The following CAPN8 variants were observed in gnomAD, a reference collection of about 807,000 sequenced individuals.
CAPN8 encodes the protein calpain-8.
In CAPN8, 87 loss-of-function variants were observed where a neutral mutation model predicts 80.9. The observed-to-expected ratio is 1.07, with a 90% CI of 0.90 to 1.28. The LOEUF is 1.28. CAPN8 is among the 50% of genes most tolerant of loss of function. CAPN8 has a pLI of 0.00. For missense variants in CAPN8, 757 were observed against 702.0 expected (o/e 1.08, Z -0.89); for synonymous variants, 299 against 273.8 (o/e 1.09, Z -0.91).
intron 16 of CAPN8, 167 bp from the exon 17 acceptor site, chr1:223,545,466 A>C: frequency 8.9e-7 from 1 of 1,119,898 alleles, no homozygotes; most frequent in Non-Finnish European, 1.2e-6. Flanking sequence ...AATAAAGATT[A>C]AAAAGTCAAA....
intron 10 of CAPN8, among the ~76,000 whole-genome samples, chr1:223,612,597 C>T (rs999339183): frequency 6.6e-6 from 1 of 152,008 alleles, no homozygotes; most frequent in Non-Finnish European, 1.5e-5. Context: ...TTCTTCAGAC[C>T]TACAGACCTG....
At chr1:223,648,149 TG>T (rs1658239377) in intron 2 of CAPN8, among the ~76,000 whole-genome samples, 1 of 151,712 alleles carries the variant, frequency 6.6e-6, no homozygotes, top group Non-Finnish European at 1.5e-5. Flanking sequence ...GAAAGGAGAG[TG>T]GTGTTAGTGG....
At chr1:223,650,112 C>T (rs1371334964) in intron 2 of CAPN8, among the ~76,000 whole-genome samples, 3 of 152,084 alleles carry the variant, frequency 2.0e-5, no homozygotes, top group Admixed American at 2.0e-4. Flanking sequence ...AGAGGAGGGG[C>T]CCTTGGCAAA....
chr1:223,551,353 G>A (rs893682498), intron 14 of CAPN8, among the ~76,000 whole-genome samples: 4 of 152,184 alleles, frequency 2.6e-5, no homozygotes, highest in Non-Finnish European at 2.9e-5. Flanking sequence ...ATGTTGGCCA[G>A]GATGATCTTG....
chr1:223,627,515 A>G (rs1166582048), intron 4 of CAPN8, among the ~76,000 whole-genome samples: 1 of 152,208 alleles, frequency 6.6e-6, no homozygotes, highest in Non-Finnish European at 1.5e-5. Flanking sequence ...CTTGCTGGGA[A>G]ATAGAACTGG....
intron 2 of CAPN8, among the ~76,000 whole-genome samples, chr1:223,633,093 G>A (rs990020871): frequency 2.6e-5 from 4 of 152,194 alleles, no homozygotes; most frequent in Admixed American, 1.3e-4. Flanking sequence ...AGTTACACTA[G>A]CCCTGGGCTG....
intron 2 of CAPN8, among the ~76,000 whole-genome samples, chr1:223,630,723 A>C (rs564469534): frequency 2.1e-4 from 32 of 152,094 alleles, no homozygotes; most frequent in African/African-American, 7.5e-4. Flanking sequence ...ACAGACAAAC[A>C]CTATCTTCCT....
At chr1:223,627,267 G>A (rs1240247624) in intron 4 of CAPN8, 110 bp from the exon 5 acceptor site, 2 of 1,267,394 alleles carry the variant, frequency 1.6e-6, no homozygotes, top group Non-Finnish European at 2.2e-6. Flanking sequence ...GATAAAGGAA[G>A]GCTCTTTGCC....
intron 11 of CAPN8, among the ~76,000 whole-genome samples, chr1:223,610,841 C>T (rs1007189996): frequency 6.6e-6 from 1 of 152,132 alleles, no homozygotes; most frequent in Non-Finnish European, 1.5e-5. Context: ...GGGTGGTTCT[C>T]AGTGTGGGAT....
chr1:223,664,936 C>T (rs564515995), intron 1 of CAPN8, among the ~76,000 whole-genome samples: 2 of 151,182 alleles, frequency 1.3e-5, no homozygotes, highest in African/African-American at 4.9e-5. Context: ...TGAGACTCTG[C>T]CTCAAAAAAA....
At chr1:223,629,197 A>AGAGTGTGT (rs373877760) in intron 2 of CAPN8, among the ~76,000 whole-genome samples, 1 of 95,240 alleles carries the variant, frequency 1.0e-5, no homozygotes, top group Non-Finnish European at 2.4e-5. Flanking sequence ...TACGTGTAAG[A>AGAGTGTGT]GTGTGTGTGT....
chr1:223,641,326 G>A (rs1444700192), intron 2 of CAPN8, among the ~76,000 whole-genome samples: 3 of 149,792 alleles, frequency 2.0e-5, no homozygotes, highest in East Asian at 2.0e-4. Flanking sequence ...ATAATTTTTT[G>A]TATTATCTTT....
intron 6 of CAPN8, among the ~76,000 whole-genome samples, chr1:223,625,431 C>T (rs1293804341): frequency 1.3e-5 from 2 of 152,066 alleles, no homozygotes; most frequent in Non-Finnish European, 2.9e-5. Flanking sequence ...TCAGAAGAAC[C>T]TTCTTTTATT....
At chr1:223,544,526 T>C (rs1656565159) in intron 18 of CAPN8, among the ~76,000 whole-genome samples, 1 of 152,174 alleles carries the variant, frequency 6.6e-6, no homozygotes, top group Non-Finnish European at 1.5e-5. Context: ...TCCTCTGTAA[T>C]TGCTGTCACC....
At chr1:223,616,633 G>A (rs1013908106) in intron 9 of CAPN8, among the ~76,000 whole-genome samples, 6 of 152,168 alleles carry the variant, frequency 3.9e-5, no homozygotes, top group South Asian at 2.1e-4. Context: ...AGGTCTCTCC[G>A]TGACACTATT....
chr1:223,557,903 G>A (rs974337104), intron 13 of CAPN8, among the ~76,000 whole-genome samples: 1 of 152,218 alleles, frequency 6.6e-6, no homozygotes, highest in Non-Finnish European at 1.5e-5. Context: ...CATGGAAGAC[G>A]ATGGCTAAGA....
At chr1:223,631,189 A>C (rs34762787) in intron 2 of CAPN8, among the ~76,000 whole-genome samples, 111,537 of 151,924 alleles carry the variant, frequency 0.73, 41,417 homozygotes, top group African/African-American at 0.84. Context: ...AAACTTCTTG[A>C]TGAATCTTAC....
intron 1 of CAPN8, among the ~76,000 whole-genome samples, chr1:223,664,213 T>C (rs1658727661): frequency 1.3e-5 from 2 of 152,188 alleles, no homozygotes; most frequent in South Asian, 4.1e-4. Flanking sequence ...CAGGAGCCTC[T>C]GCCTTCCGTC....
intron 9 of CAPN8, chr1:223,617,985 G>A: frequency 2.3e-6 from 1 of 429,464 alleles, no homozygotes; most frequent in Non-Finnish European, 4.2e-6. Flanking sequence ...GAGAGAACTT[G>A]TCAAGACCCA....
Sources: gnomAD v4.1 joint callset for allele counts (sites outside exome capture counted in the v4.1 genomes callset) on GRCh38, gnomAD v4.1.1 for gene constraint, MANE v1.5 for transcripts, NCBI Gene and HGNC (gene_info 2026-07-23, HGNC 2026-07-21) for gene names.